The following DRC11 variants were observed in gnomAD, a reference collection of about 807,000 sequenced individuals.
DRC11 encodes IQ and AAA domain-containing protein 1.
the DRC11 span, among the ~76,000 whole-genome samples, chr2:236,449,789 C>T: frequency 4.6e-5 from 7 of 152,316 alleles, no homozygotes; most frequent in East Asian, 1.4e-3. This position sits in a 1 kb window ranked among gnomAD's most constrained non-coding sequence, Gnocchi z 5.1. Context: ...TGAACCACCT[C>T]CCCTCCCCAG....
At chr2:236,328,731 A>G in the DRC11 span, among the ~76,000 whole-genome samples, 8 of 152,108 alleles carry the variant, frequency 5.3e-5, no homozygotes, top group Non-Finnish European at 1.5e-5. This position sits in a 1 kb window ranked among gnomAD's most constrained non-coding sequence, Gnocchi z 6.7. Context: ...ATGAACTCCT[A>G]ATTTATCGAG....
chr2:236,425,706 G>A, the DRC11 span, among the ~76,000 whole-genome samples: 3 of 151,884 alleles, frequency 2.0e-5, no homozygotes, highest in Non-Finnish European at 4.4e-5. Flanking sequence ...GAAAATCACT[G>A]CCCAGATCAA....
chr2:236,504,113 C>G, the DRC11 span, among the ~76,000 whole-genome samples: 1 of 152,230 alleles, frequency 6.6e-6, no homozygotes, highest in Non-Finnish European at 1.5e-5. The surrounding 1 kb of genome is among the most constrained non-coding windows in gnomAD (Gnocchi z 5.0). Flanking sequence ...ATTCCCCACT[C>G]CTCCCTGCCC....
the DRC11 span, among the ~76,000 whole-genome samples, chr2:236,441,290 ATT>A: frequency 6.6e-6 from 1 of 152,168 alleles, no homozygotes. Context: ...GAAGGTACTG[ATT>A]ACATTCAGTA....
the DRC11 span, among the ~76,000 whole-genome samples, chr2:236,468,298 C>A: frequency 6.6e-6 from 1 of 152,048 alleles, no homozygotes; most frequent in South Asian, 2.1e-4. Context: ...TGCCATGTTG[C>A]CTAGGCTGGT....
the DRC11 span, among the ~76,000 whole-genome samples, chr2:236,401,668 C>G: frequency 1.3e-5 from 2 of 150,736 alleles, no homozygotes; most frequent in East Asian, 3.9e-4. The surrounding 1 kb of genome is among the most constrained non-coding windows in gnomAD (Gnocchi z 4.6). Context: ...AAGTCAGAAC[C>G]AAAAGGCCTC....
At chr2:236,430,988 C>T in the DRC11 span, among the ~76,000 whole-genome samples, 1 of 152,144 alleles carries the variant, frequency 6.6e-6, no homozygotes, top group Admixed American at 6.5e-5. The surrounding 1 kb of genome is among the most constrained non-coding windows in gnomAD (Gnocchi z 6.0). Context: ...TTTTTTTGGG[C>T]TCAGGGCCAA....
chr2:236,409,037 A>G, the DRC11 span: 2 of 624,438 alleles, frequency 3.2e-6, no homozygotes, highest in African/African-American at 3.7e-5. Flanking sequence ...CAGGAAGCCG[A>G]GGGACCCATG....
chr2:236,489,532 A>G, the DRC11 span, among the ~76,000 whole-genome samples: 1 of 152,142 alleles, frequency 6.6e-6, no homozygotes, highest in Non-Finnish European at 1.5e-5. Flanking sequence ...GCTGTTCCAG[A>G]GGCCCCAGAG....
chr2:236,467,313 A>G, the DRC11 span, among the ~76,000 whole-genome samples: 1 of 151,990 alleles, frequency 6.6e-6, no homozygotes, highest in South Asian at 2.1e-4. Flanking sequence ...ATCTTTCATG[A>G]CTCTGAGCTT....
chr2:236,415,712 C>A, the DRC11 span, among the ~76,000 whole-genome samples: 1 of 152,132 alleles, frequency 6.6e-6, no homozygotes, highest in Non-Finnish European at 1.5e-5. The surrounding 1 kb of genome is among the most constrained non-coding windows in gnomAD (Gnocchi z 5.7). Context: ...CAAAACTGTT[C>A]ATCGTTAAGT....
At chr2:236,374,509 G>A in the DRC11 span, among the ~76,000 whole-genome samples, 6 of 152,172 alleles carry the variant, frequency 3.9e-5, no homozygotes, top group East Asian at 9.7e-4. Flanking sequence ...ATTGGCTCAC[G>A]GTTCCGCAGG....
the DRC11 span, among the ~76,000 whole-genome samples, chr2:236,402,156 G>T: frequency 6.6e-6 from 1 of 152,164 alleles, no homozygotes; most frequent in African/African-American, 2.4e-5. This position sits in a 1 kb window ranked among gnomAD's most constrained non-coding sequence, Gnocchi z 6.0. Context: ...GACAGTGCTG[G>T]GTTACACCCT....
the DRC11 span, among the ~76,000 whole-genome samples, chr2:236,359,809 T>TTGA: frequency 6.6e-6 from 1 of 152,158 alleles, no homozygotes; most frequent in Non-Finnish European, 1.5e-5. This position sits in a 1 kb window ranked among gnomAD's most constrained non-coding sequence, Gnocchi z 4.3. Flanking sequence ...CAATTTTTAA[T>TTGA]TGATTGACTC....
chr2:236,502,969 A>C, the DRC11 span, among the ~76,000 whole-genome samples: 5 of 152,204 alleles, frequency 3.3e-5, no homozygotes, highest in African/African-American at 4.8e-5. Flanking sequence ...AAAAGAAAAG[A>C]AAAGCTATAA....
the DRC11 span, among the ~76,000 whole-genome samples, chr2:236,482,693 G>A: frequency 1.3e-5 from 2 of 152,040 alleles, no homozygotes; most frequent in Non-Finnish European, 2.9e-5. This position sits in a 1 kb window ranked among gnomAD's most constrained non-coding sequence, Gnocchi z 4.5. Context: ...GGCTTATTTG[G>A]CAGCACTTTT....
the DRC11 span, among the ~76,000 whole-genome samples, chr2:236,426,927 T>A: frequency 6.6e-6 from 1 of 152,218 alleles, no homozygotes; most frequent in Non-Finnish European, 1.5e-5. The surrounding 1 kb of genome is among the most constrained non-coding windows in gnomAD (Gnocchi z 4.1). Flanking sequence ...GGGCTTTTCG[T>A]ATATAGTCTT....
the DRC11 span, among the ~76,000 whole-genome samples, chr2:236,418,469 T>G: frequency 6.6e-6 from 1 of 152,228 alleles, no homozygotes; most frequent in Non-Finnish European, 1.5e-5. Flanking sequence ...AACATAGTCA[T>G]GTTTTAGGAT....
At chr2:236,321,164 A>AT in the DRC11 span, among the ~76,000 whole-genome samples, 153 of 151,348 alleles carry the variant, frequency 1.0e-3, 1 homozygote, top group African/African-American at 1.9e-3. Flanking sequence ...TTATTTATTT[A>AT]TTTTTTTTTG....
Sources: gnomAD v4.1 joint callset for allele counts (sites outside exome capture counted in the v4.1 genomes callset) on GRCh38, gnomAD v4.1.1 for gene constraint, Gnocchi (gnomAD v3.1) non-coding constraint, MANE v1.5 for transcripts, NCBI Gene and HGNC (gene_info 2026-07-23, HGNC 2026-07-21) for gene names.